Variants in KAZN observed in about 807,000 individuals in gnomAD.
The protein encoded by KAZN is kazrin, periplakin interacting protein.
Under a neutral mutation model 87.4 loss-of-function variants are expected in KAZN, and 40 were observed. The observed-to-expected ratio is 0.46, with a 90% CI of 0.36 to 0.60. The LOEUF (loss-of-function observed/expected upper bound fraction) is 0.60, where lower values mean the gene tolerates loss of function less well. Ranked by LOEUF, KAZN falls within the 20% of genes least tolerant of loss-of-function variation. The pLI is 0.00. For synonymous variants in KAZN, 466 were observed against 458.3 expected, an observed-to-expected ratio of 1.02 and a Z score of -0.22; for missense variants, 898 against 1,073.9, an observed-to-expected ratio of 0.84 and a Z score of 2.29.
intron 1 of KAZN, among the ~76,000 whole-genome samples, chr1:14,674,168 T>C (rs1640079754): frequency 6.6e-6 from 1 of 152,200 alleles, no homozygotes; most frequent in Non-Finnish European, 1.5e-5. Flanking sequence ...TTCTAGTCCT[T>C]TATTTCTGAC....
intron 1 of KAZN, among the ~76,000 whole-genome samples, chr1:14,775,831 G>A (rs1241441248): frequency 2.6e-5 from 4 of 152,192 alleles, no homozygotes; most frequent in Non-Finnish European, 5.9e-5. Flanking sequence ...CACAGAGCAC[G>A]TCCTCCTAAA....
intron 2 of KAZN, among the ~76,000 whole-genome samples, chr1:15,026,643 A>G (rs1671191557): frequency 6.6e-6 from 1 of 152,060 alleles, no homozygotes; most frequent in Admixed American, 6.6e-5. Flanking sequence ...GCTTGTCCCT[A>G]TGGCAGAAAT....
chr1:14,467,082 A>G (rs1373636883), intron 2 of KAZN, among the ~76,000 whole-genome samples: 2 of 151,436 alleles, frequency 1.3e-5, no homozygotes, highest in East Asian at 3.8e-4. Context: ...AATTCCTTCT[A>G]TCTGATTTTA....
At chr1:14,228,568 G>A (rs1434252182) in intron 2 of KAZN, among the ~76,000 whole-genome samples, 2 of 152,164 alleles carry the variant, frequency 1.3e-5, no homozygotes, top group Non-Finnish European at 2.9e-5. Context: ...TGGCACAATG[G>A]AGAGGAGGAA....
chr1:14,154,779 G>A (rs1645552125), intron 1 of KAZN, among the ~76,000 whole-genome samples: 1 of 152,144 alleles, frequency 6.6e-6, no homozygotes, highest in South Asian at 2.1e-4. Context: ...TCATTCTGGT[G>A]ACATTATGCA....
chr1:14,835,487 C>G (rs1647204578), intron 1 of KAZN, among the ~76,000 whole-genome samples: 1 of 152,104 alleles, frequency 6.6e-6, no homozygotes, highest in African/African-American at 2.4e-5. Flanking sequence ...AACACGGGAT[C>G]AACCATGAGG....
At chr1:14,338,534 A>G (rs552635858) in intron 2 of KAZN, among the ~76,000 whole-genome samples, 284 of 151,554 alleles carry the variant, frequency 1.9e-3, no homozygotes, top group African/African-American at 6.6e-3. Flanking sequence ...GAGAGAGAAA[A>G]GAAAACATGT....
intron 2 of KAZN, among the ~76,000 whole-genome samples, chr1:14,334,743 A>T (rs1437840943): frequency 1.3e-5 from 2 of 152,222 alleles, no homozygotes; most frequent in Admixed American, 1.3e-4. Context: ...CAGAAGGTAG[A>T]GTTCCCTGTC....
At chr1:14,258,512 G>A (rs1479835897) in intron 2 of KAZN, among the ~76,000 whole-genome samples, 2 of 151,494 alleles carry the variant, frequency 1.3e-5, no homozygotes, top group Non-Finnish European at 2.9e-5. Context: ...TGGGATTACA[G>A]GCGTGAGCCA....
At chr1:14,601,763 C>T (rs769162806) in intron 1 of KAZN, among the ~76,000 whole-genome samples, 1 of 152,092 alleles carries the variant, frequency 6.6e-6, no homozygotes, top group Non-Finnish European at 1.5e-5. Context: ...GGGCCCAGAC[C>T]CTAAGAGTGT....
intron 1 of KAZN, among the ~76,000 whole-genome samples, chr1:14,656,197 C>G (rs1050639072): frequency 2.6e-5 from 4 of 152,270 alleles, no homozygotes; most frequent in Admixed American, 2.6e-4. Context: ...AGGTCATTCT[C>G]GGGGTAGGCT....
chr1:14,023,615 G>A (rs1244459933), intron 1 of KAZN, among the ~76,000 whole-genome samples: 1 of 152,168 alleles, frequency 6.6e-6, no homozygotes, highest in Non-Finnish European at 1.5e-5. Context: ...TTACCTGCAT[G>A]TGGATTTCAT....
intron 8 of KAZN, among the ~76,000 whole-genome samples, chr1:15,086,380 G>A (rs1348609578): frequency 3.3e-5 from 5 of 152,146 alleles, no homozygotes; most frequent in Admixed American, 2.0e-4. Flanking sequence ...TCGTCAAAGC[G>A]CTAAAACAAA....
At chr1:14,106,719 A>G (rs1644382017) in intron 1 of KAZN, among the ~76,000 whole-genome samples, 1 of 152,318 alleles carries the variant, frequency 6.6e-6, no homozygotes, top group African/African-American at 2.4e-5. Context: ...GTAGTAGATT[A>G]GCCCAAACGC....
At chr1:14,219,128 G>T (rs1407743272) in intron 2 of KAZN, among the ~76,000 whole-genome samples, 1 of 152,076 alleles carries the variant, frequency 6.6e-6, no homozygotes, top group African/African-American at 2.4e-5. Flanking sequence ...CAAATGTGGA[G>T]AGACCAAAGG....
chr1:14,633,470 C>T (rs1484860240), intron 1 of KAZN, among the ~76,000 whole-genome samples: 1 of 152,050 alleles, frequency 6.6e-6, no homozygotes, highest in Admixed American at 6.5e-5. Context: ...CTCTAGAAGC[C>T]GGGAAAGGCA....
At chr1:14,280,558 G>A (rs1652774156) in intron 2 of KAZN, among the ~76,000 whole-genome samples, 3 of 151,872 alleles carry the variant, frequency 2.0e-5, no homozygotes, top group East Asian at 1.9e-4. Flanking sequence ...AGATTGCCAG[G>A]CAACCACCAG....
intron 1 of KAZN, among the ~76,000 whole-genome samples, chr1:14,742,548 A>G (rs548319254): frequency 6.6e-6 from 1 of 152,226 alleles, no homozygotes; most frequent in East Asian, 1.9e-4. Flanking sequence ...GCAATAACCA[A>G]TCTCGCCTCT....
At chr1:14,115,002 C>T (rs1468760433) in intron 1 of KAZN, among the ~76,000 whole-genome samples, 1 of 152,240 alleles carries the variant, frequency 6.6e-6, no homozygotes, top group African/African-American at 2.4e-5. Flanking sequence ...AGCCACTGCT[C>T]CTGTGCTGGC....
Sources: gnomAD v4.1 joint callset for allele counts (sites outside exome capture counted in the v4.1 genomes callset) on GRCh38, gnomAD v4.1.1 for gene constraint, MANE v1.5 for transcripts, NCBI Gene and HGNC (gene_info 2026-07-23, HGNC 2026-07-21) for gene names.